Variants in EFCAB11 observed in about 807,000 individuals in gnomAD.
The protein encoded by EFCAB11 is EF-hand calcium binding domain 11.
EFCAB11 carries 14 observed loss-of-function variants against 23.0 expected under a neutral mutation model. The observed-to-expected ratio is 0.61, with a 90% CI of 0.40 to 0.95. EFCAB11 has a LOEUF of 0.95. Ranked by LOEUF, EFCAB11 falls within the 40% of genes least tolerant of loss-of-function variation. The probability of loss-of-function intolerance (pLI) is 0.00; values close to 1 mark genes in which losing one functional copy is unlikely to be tolerated. For synonymous variants in EFCAB11, 65 were observed against 66.6 expected, an observed-to-expected ratio of 0.98 and a Z score of 0.11; for missense variants, 198 against 195.8, an observed-to-expected ratio of 1.01 and a Z score of -0.07.
At chr14:89,903,637 A>T (rs1034176126) in intron 5 of EFCAB11, among the ~76,000 whole-genome samples, 2 of 152,188 alleles carry the variant, frequency 1.3e-5, no homozygotes, top group Admixed American at 6.5e-5. Context: ...TTAAAAATAG[A>T]TCTGAGAAAA....
chr14:89,914,621 C>T (rs1889779211), intron 5 of EFCAB11, among the ~76,000 whole-genome samples: 1 of 152,022 alleles, frequency 6.6e-6, no homozygotes, highest in South Asian at 2.1e-4. Flanking sequence ...CCCGTCTCTA[C>T]TAAAAATACA....
intron 5 of EFCAB11, among the ~76,000 whole-genome samples, chr14:89,838,637 T>C (rs1887160987): frequency 6.6e-6 from 1 of 152,158 alleles, no homozygotes; most frequent in African/African-American, 2.4e-5. Flanking sequence ...ACCCAACAGA[T>C]ATTTATAATG....
intron 5 of EFCAB11, among the ~76,000 whole-genome samples, chr14:89,923,020 A>G (rs775270801): frequency 8.5e-5 from 13 of 152,238 alleles, no homozygotes; most frequent in Non-Finnish European, 1.6e-4. Context: ...AAATGTGAAG[A>G]GACTAAATAT....
At chr14:89,812,208 A>C (rs1011488583) in intron 5 of EFCAB11, among the ~76,000 whole-genome samples, 1 of 152,234 alleles carries the variant, frequency 6.6e-6, no homozygotes, top group Admixed American at 6.5e-5. Context: ...ATTTTTAAAA[A>C]GTACCCAAAA....
At chr14:89,891,588 A>G (rs1431781460) in intron 5 of EFCAB11, among the ~76,000 whole-genome samples, 1 of 152,210 alleles carries the variant, frequency 6.6e-6, no homozygotes. Context: ...TACCAAATAT[A>G]AAAAGAGGGA....
intron 5 of EFCAB11, among the ~76,000 whole-genome samples, chr14:89,891,849 C>T (rs1207098290): frequency 1.3e-5 from 2 of 152,012 alleles, no homozygotes; most frequent in Non-Finnish European, 2.9e-5. Context: ...GGGGACGCGG[C>T]GGTGGGCAAG....
chr14:89,862,840 AGCTC>A (rs1887967999), intron 5 of EFCAB11, among the ~76,000 whole-genome samples: 1 of 152,238 alleles, frequency 6.6e-6, no homozygotes, highest in Admixed American at 6.5e-5. Flanking sequence ...AGACAAAGTT[AGCTC>A]TGAGTTAGGT....
chr14:89,833,881 T>G (rs986947974), intron 5 of EFCAB11, among the ~76,000 whole-genome samples: 1 of 152,156 alleles, frequency 6.6e-6, no homozygotes. Flanking sequence ...AATGATGGTG[T>G]GGGGAGACAG....
At chr14:89,949,932 T>G (rs1231007724) in intron 3 of EFCAB11, among the ~76,000 whole-genome samples, 165 bp downstream of exon 3, 1 of 151,964 alleles carries the variant, frequency 6.6e-6, no homozygotes, top group African/African-American at 2.4e-5. Context: ...TTATCCAGTA[T>G]CATGAGAACA....
intron 5 of EFCAB11, among the ~76,000 whole-genome samples, chr14:89,920,389 A>G (rs888787494): frequency 1.3e-5 from 2 of 152,204 alleles, no homozygotes; most frequent in Non-Finnish European, 2.9e-5. Context: ...GAGGGACACA[A>G]AAGCATGCTT....
At chr14:89,878,662 A>T (rs1226396118) in intron 5 of EFCAB11, among the ~76,000 whole-genome samples, 1 of 152,184 alleles carries the variant, frequency 6.6e-6, no homozygotes, top group African/African-American at 2.4e-5. Context: ...TACATTTTAC[A>T]TAGCAATCAA....
chr14:89,808,325 C>G (rs1886040038), intron 5 of EFCAB11, among the ~76,000 whole-genome samples: 1 of 152,136 alleles, frequency 6.6e-6, no homozygotes, highest in Non-Finnish European at 1.5e-5. Context: ...TATTCTCATA[C>G]AGTGTTAGCA....
At chr14:89,938,643 C>T (rs1890675766) in intron 3 of EFCAB11, among the ~76,000 whole-genome samples, 1 of 151,866 alleles carries the variant, frequency 6.6e-6, no homozygotes, top group African/African-American at 2.4e-5. Context: ...AGTTAGAGGC[C>T]AGGTGTGATG....
chr14:89,856,580 C>T (rs986087088), intron 5 of EFCAB11, among the ~76,000 whole-genome samples: 3 of 152,160 alleles, frequency 2.0e-5, no homozygotes, highest in Non-Finnish European at 2.9e-5. Context: ...CTCCTCTACA[C>T]CTTTGCCAAT....
At chr14:89,801,820 C>T (rs999709257) in intron 5 of EFCAB11, among the ~76,000 whole-genome samples, 2 of 151,920 alleles carry the variant, frequency 1.3e-5, no homozygotes, top group African/African-American at 2.4e-5. Flanking sequence ...ATGGTGAAAC[C>T]CCGTCTCTAC....
At chr14:89,800,110 C>T (rs1039945964) in intron 5 of EFCAB11, among the ~76,000 whole-genome samples, 9 of 151,936 alleles carry the variant, frequency 5.9e-5, no homozygotes, top group African/African-American at 2.2e-4. Context: ...TGCTTGAACC[C>T]GGGAGGCAGA....
chr14:89,800,702 G>C (rs1885747482), intron 5 of EFCAB11, among the ~76,000 whole-genome samples: 1 of 152,168 alleles, frequency 6.6e-6, no homozygotes, highest in African/African-American at 2.4e-5. Context: ...TTGTTTTTGA[G>C]ATGCAAAAGG....
intron 2 of EFCAB11, chr14:89,952,575 G>A: frequency 1.0e-6 from 1 of 985,452 alleles, no homozygotes; most frequent in Non-Finnish European, 1.2e-6. Flanking sequence ...CCTCATAGCT[G>A]AGCCACTCTG....
intron 5 of EFCAB11, among the ~76,000 whole-genome samples, chr14:89,819,106 C>A (rs1886426188): frequency 6.6e-6 from 1 of 152,116 alleles, no homozygotes; most frequent in Non-Finnish European, 1.5e-5. Context: ...TTAATGCCCC[C>A]AAACTGGAAA....
Sources: allele counts gnomAD v4.1 joint callset (sites outside exome capture counted in the v4.1 genomes callset), GRCh38; gene constraint gnomAD v4.1.1; transcripts MANE v1.5; gene names NCBI Gene and HGNC (gene_info 2026-07-23, HGNC 2026-07-21).